The following GIN1 variants were observed in gnomAD, a reference collection of about 807,000 sequenced individuals.
GIN1 encodes gypsy retrotransposon integrase-like protein 1.
Under a neutral mutation model 51.4 loss-of-function variants are expected in GIN1, and 41 were observed. The ratio of observed to expected loss-of-function variants is 0.80; its 90% confidence interval spans 0.62 to 1.04. The LOEUF is 1.04. GIN1 is among the 50% of genes least tolerant of loss of function. The probability of loss-of-function intolerance (pLI) is 0.00; values close to 1 mark genes in which losing one functional copy is unlikely to be tolerated. For synonymous variants in GIN1, 222 were observed against 206.5 expected, an observed-to-expected ratio of 1.07 and a Z score of -0.64; for missense variants, 610 against 612.4, an observed-to-expected ratio of 1.00 and a Z score of 0.04.
intron 6 of GIN1, among the ~76,000 whole-genome samples, 199 bp from the exon 7 acceptor site, chr5:103,097,025 G>A (rs1787415894): frequency 6.6e-6 from 1 of 152,010 alleles, no homozygotes; most frequent in Non-Finnish European, 1.5e-5. Context: ...AACTAAGATA[G>A]GTTAAGTAAT....
chr5:103,092,496 C>G (rs1362491999), intron 7 of GIN1, among the ~76,000 whole-genome samples: 1 of 151,982 alleles, frequency 6.6e-6, no homozygotes, highest in African/African-American at 2.4e-5. Flanking sequence ...CTAAACTAAT[C>G]CTATATATGG....
chr5:103,095,742 T>C (rs1252749032), intron 7 of GIN1, among the ~76,000 whole-genome samples: 1 of 152,114 alleles, frequency 6.6e-6, no homozygotes, highest in Non-Finnish European at 1.5e-5. Flanking sequence ...GCCAACATGG[T>C]GAAACCTCAT....
Position 103,096,545 on chromosome 5 carries a change from T to C in GIN1, c.1290A>G (p.Glu430=). ...AGAGAAGTGACAGATATTTACCTTG[T>C]TCACTGGATTCTCTTATGTAGGGCT... The part of the protein sequence containing the change: ...HLKPYIRESS[E]QESLYLLQGS... Residue 430 remains glutamate (E), a synonymous_variant, in exon 7 of 8, where the codon GAA becomes GAG. Coordinates refer to ENST00000399004, the MANE Select transcript of GIN1 (RefSeq NM_017676.2). 1 of 1,600,340 alleles carries C rather than the reference T, an allele frequency of 6.2e-7. No individual in the cohort carries two copies. Among genetic ancestry groups the C allele is most frequent in the Non-Finnish European group, 8.5e-7 (1 of 1,171,266 alleles).
rs1188046420 is a variant in GIN1 at position 103,097,328 on chromosome 5, T to C, written c.994A>G (p.Thr332Ala). ...EADKIMENKT[T>A]SLGQMENNNL... ...AATAGAATCACCTGGCCCAGTGAAGTTGTCTTATTCTCCATTATTTTATCA... is the reference window on the plus strand; with the variant it reads ...AATAGAATCACCTGGCCCAGTGAAGCTGTCTTATTCTCCATTATTTTATCA... Residue 332 changes from threonine to alanine, a missense_variant, in exon 6 of 8, where the codon ACT (threonine) becomes GCT (alanine). By Grantham distance (58) the Thr-to-Ala change is moderately conservative. Coordinates refer to ENST00000399004, the MANE Select transcript of GIN1 (RefSeq NM_017676.2). 5.0e-6 allele frequency: 8 copies of C among 1,590,714 alleles called. No individual in the cohort carries two copies. The highest frequency in any genetic ancestry group is 4.3e-6 in the Non-Finnish European group (5 of 1,161,446).
chr5:103,102,144 T>C (rs937704205), intron 4 of GIN1: 1 of 152,244 alleles, frequency 6.6e-6, no homozygotes, highest in Non-Finnish European at 1.5e-5. Flanking sequence ...TATTTTTTTC[T>C]GTTTCTACTT....
intron 1 of GIN1, among the ~76,000 whole-genome samples, chr5:103,115,237 T>C (rs1289504464): frequency 6.6e-6 from 1 of 152,158 alleles, no homozygotes; most frequent in Non-Finnish European, 1.5e-5. Context: ...ACAGTCATGT[T>C]CATAGCCACA....
At chr5:103,101,422 T>G (rs1441181073) in intron 4 of GIN1, among the ~76,000 whole-genome samples, 13 of 152,234 alleles carry the variant, frequency 8.5e-5, no homozygotes, top group East Asian at 5.8e-4. Context: ...TGGACTGCAG[T>G]TGACTATAGG....
intron 4 of GIN1, among the ~76,000 whole-genome samples, chr5:103,100,534 A>T (rs1051939594): frequency 6.5e-4 from 98 of 151,864 alleles, no homozygotes; most frequent in African/African-American, 2.2e-3. Context: ...TGGGACTATG[A>T]GTGTGCAACA....
chr5:103,108,703 A>T lies in GIN1; in HGVS notation c.5T>A (p.Val2Asp). ...AAGGTCACCATTTTTTCCACTACGG[A>T]CCATTGTGAACCTAGGTAAAAGGTA... Reference protein sequence around the residue: MVRSGKNGDLHL... With the variant: MDRSGKNGDLHL... The change falls in exon 2 of 8, where the codon GTC (valine) becomes GAC (aspartate). Residue 2 changes from valine to aspartate, a missense_variant. Coordinates refer to ENST00000399004, the MANE Select transcript of GIN1 (RefSeq NM_017676.2). 6.3e-7 allele frequency: 1 copy of T among 1,590,052 alleles called. No individual in the cohort carries two copies. The highest frequency in any genetic ancestry group is 8.6e-7 in the Non-Finnish European group (1 of 1,165,426).
At position 103,104,679 on chromosome 5, in the gene GIN1, C is replaced by T. The variant is rs17851288; in HGVS notation, c.501G>A (p.Leu167=). ...GCAAAATCACAATCCATTTGGTGAA[C>T]AAATCTGTCATGATTATAGCATATA... ...SHVYAIIMTD[L]FTKWIVILPL... Residue 167 remains leucine, a synonymous_variant, in exon 4 of 8, where the codon TTG becomes TTA. Transcript: ENST00000399004. 0.036 allele frequency: 57,473 copies of T among 1,612,412 alleles called. 1,201 individuals are homozygous for T. Among genetic ancestry groups the T allele is most frequent in the Non-Finnish European group, 0.041 (47,883 of 1,178,494 alleles).
At position 103,088,033 on chromosome 5, in the gene GIN1, T is replaced by C. The variant is rs1787127753; in HGVS notation, c.1434A>G (p.Thr478=). Reference sequence around the variant, plus strand: ...CTAATAGTTCACGATCCTTGCTTGATGTCAGTAATTCATTATCGACTATAC... The same window carrying C: ...CTAATAGTTCACGATCCTTGCTTGACGTCAGTAATTCATTATCGACTATAC... ...TIGIVDNELL[T]SSKDRELLEY... is the part of the protein sequence containing the mutation. Residue 478 remains threonine (T), a synonymous_variant, in exon 8 of 8, where the codon ACA becomes ACG. Coordinates refer to ENST00000399004, the MANE Select transcript of GIN1 (RefSeq NM_017676.2). 1.2e-6 allele frequency: 2 copies of C among 1,610,394 alleles called. No homozygotes were observed. The highest frequency in any genetic ancestry group is 1.7e-6 in the Non-Finnish European group (2 of 1,176,806).
chr5:103,096,783 A>C lies in GIN1; in HGVS notation c.1052T>G (p.Ile351Ser). 1 of 1,607,786 alleles carries C rather than the reference A, an allele frequency of 6.2e-7. No homozygotes were observed. The highest frequency in any genetic ancestry group is 8.5e-7 in the Non-Finnish European group (1 of 1,174,504). The change falls in exon 7 of 8, where the codon ATT becomes AGT. Residue 351 changes from isoleucine to serine, a missense_variant. Physicochemically the swap from Ile to Ser is moderately radical, Grantham distance 142 (BLOSUM62 -2). Coordinates refer to ENST00000399004, the MANE Select transcript of GIN1 (RefSeq NM_017676.2). ...NLDELNKSKI[I>S]VKKKPKQLNP... is the part of the protein sequence containing the mutation. ...TAATTGTTTGGGTTTCTTTTTAACA[A>C]TGATCTTGCTTTTATTTAGTTCATC...
chr5:103,110,904 C>T (rs899558245), intron 1 of GIN1, among the ~76,000 whole-genome samples: 3 of 152,142 alleles, frequency 2.0e-5, no homozygotes, highest in Non-Finnish European at 4.4e-5. Context: ...TTTCATGTCG[C>T]TCCAGGTCAG....
rs782683671 is a variant in GIN1 at position 103,097,782 on chromosome 5, C to G, written c.640-1G>C. 6 of 1,351,608 alleles carry G rather than the reference C, an allele frequency of 4.4e-6. No homozygotes were observed. The allele number at this position is 1,351,608 out of a possible 1,614,324, so 83.7% of individuals were successfully genotyped here. A position where few individuals can be genotyped will look rare whatever the true frequency, so the allele number is the denominator to read the frequency against. ...ACAATCTGTACAGTTCAATATTGAT[C>G]TGAAAAATATATAAAACAAAGGTGG... On this transcript the variant is annotated splice_acceptor_variant, in intron 4 of 7. Transcript: ENST00000399004. LOFTEE classifies it high-confidence loss of function.
chr5:103,108,847 T>C lies in GIN1; in HGVS notation c.-7-133A>G, dbSNP rs539569779. ...CAGAATTTATTTGTGAGGGAGATAATTGCAGTACAGGAAAGGAACAGCGAT... is the reference window on the plus strand; with the variant it reads ...CAGAATTTATTTGTGAGGGAGATAACTGCAGTACAGGAAAGGAACAGCGAT... On this transcript the variant is annotated intron_variant, in intron 1 of 7. Coordinates refer to ENST00000399004, the MANE Select transcript of GIN1 (RefSeq NM_017676.2). 5.0e-4 allele frequency: 315 copies of C among 634,994 alleles called. 2 individuals are homozygous for C. The highest frequency in any genetic ancestry group is 4.0e-4 in the Middle Eastern group (1 of 2,506). The allele number at this position is 634,994 out of a possible 1,614,324, so 39.3% of individuals were successfully genotyped here. A position where few individuals can be genotyped will look rare whatever the true frequency, so the allele number is the denominator to read the frequency against.
Position 103,086,633 on chromosome 5 carries a change from T to C in GIN1, c.*1265A>G, listed in dbSNP as rs1787082399. On this transcript the variant is annotated 3_prime_UTR_variant, in exon 8 of 8. Transcript: ENST00000399004. ...TCAAGCTTAAATGATCCTTCTTCCATAAGGATAAACACAAATTTCCTATGT... is the reference window on the plus strand; with the variant it reads ...TCAAGCTTAAATGATCCTTCTTCCACAAGGATAAACACAAATTTCCTATGT... 1 of 152,214 alleles carries C rather than the reference T, an allele frequency of 6.6e-6. No individual in the cohort carries two copies. Among genetic ancestry groups the C allele is most frequent in the Non-Finnish European group, 1.5e-5 (1 of 68,036 alleles). The allele number at this position is 152,214 out of a possible 1,614,324, so 9.4% of individuals were successfully genotyped here.
At chr5:103,111,693 T>A (rs1382704606) in intron 1 of GIN1, among the ~76,000 whole-genome samples, 3 of 152,070 alleles carry the variant, frequency 2.0e-5, no homozygotes, top group Admixed American at 6.6e-5. Flanking sequence ...CCAGAACTGG[T>A]AGAAAACAAA....
At chr5:103,108,855 C>T in intron 1 of GIN1, 141 bp from the exon 2 acceptor site, 3 of 620,684 alleles carry the variant, frequency 4.8e-6, no homozygotes, top group Admixed American at 3.4e-5. Context: ...AATTGCAGTA[C>T]AGGAAAGGAA....
chr5:103,111,544 G>A (rs1303509128), intron 1 of GIN1, among the ~76,000 whole-genome samples: 1 of 151,992 alleles, frequency 6.6e-6, no homozygotes, highest in Non-Finnish European at 1.5e-5. Context: ...ACCAGTAAAG[G>A]TTGCAAAAAC....
Sources: allele counts gnomAD v4.1 joint callset (sites outside exome capture counted in the v4.1 genomes callset), GRCh38; gene constraint gnomAD v4.1.1; transcripts MANE v1.5; gene names NCBI Gene and HGNC (gene_info 2026-07-23, HGNC 2026-07-21).